Variants in LRP1B observed in about 807,000 individuals in gnomAD.
The protein encoded by LRP1B is LDL receptor related protein 1B.
A neutral mutation model predicts 556.6 loss-of-function variants in LRP1B; 217 were observed. The observed-to-expected ratio is 0.39, with a 90% CI of 0.35 to 0.44. The LOEUF (loss-of-function observed/expected upper bound fraction) is 0.44, where lower values mean the gene tolerates loss of function less well. LRP1B is among the 20% of genes least tolerant of loss of function. LRP1B has a pLI of 1.00. For synonymous variants in LRP1B, 2,047 were observed against 1,865.8 expected (o/e 1.10, Z -2.50); for missense variants, 5,053 against 5,620.8 (o/e 0.90, Z 3.23).
chr2:141,308,653 A>G (rs1686691220), intron 3 of LRP1B, among the ~76,000 whole-genome samples: 1 of 152,168 alleles, frequency 6.6e-6, no homozygotes, highest in Non-Finnish European at 1.5e-5. Flanking sequence ...TTGATATTAT[A>G]TTAATAAAAA....
At chr2:141,868,775 A>G (rs566444148) in intron 1 of LRP1B, among the ~76,000 whole-genome samples, 118 of 152,140 alleles carry the variant, frequency 7.8e-4, no homozygotes, top group Non-Finnish European at 1.4e-3. Flanking sequence ...CTAAATGCCT[A>G]TAGTAAATTG....
intron 2 of LRP1B, among the ~76,000 whole-genome samples, chr2:141,706,238 C>T (rs1017031317): frequency 1.1e-4 from 16 of 152,072 alleles, no homozygotes; most frequent in African/African-American, 3.9e-4. Flanking sequence ...AATTAGGACA[C>T]TTTCAAGTGT....
chr2:142,045,480 T>G (rs1293748578), intron 1 of LRP1B, among the ~76,000 whole-genome samples: 3 of 151,862 alleles, frequency 2.0e-5, no homozygotes, highest in East Asian at 3.9e-4. Flanking sequence ...AGTCAGAGTA[T>G]CTCTTTCACT....
At chr2:142,066,940 G>A (rs1005882541) in intron 1 of LRP1B, among the ~76,000 whole-genome samples, 3 of 151,454 alleles carry the variant, frequency 2.0e-5, no homozygotes, top group Non-Finnish European at 4.4e-5. Flanking sequence ...CAAGCTGTCT[G>A]CAGGGTTATG....
At position 140,989,683 on chromosome 2, in the gene LRP1B, A is replaced by G. The variant is rs182495436; in HGVS notation, c.2645-26T>C. The G allele has an allele frequency of 1.3e-5, 21 of 1,607,716 alleles. No homozygotes were observed. The East Asian group carries it at 4.0e-4, about 31-fold the overall frequency. On this transcript the variant is annotated intron_variant, in intron 16 of 90. Coordinates refer to ENST00000389484, the MANE Select transcript of LRP1B (RefSeq NM_018557.3). ...CTGGGAGGGAGGGGGAAGCAAGATT[A>G]ATTATTTAAAATTGGATAAAGTTGT...
intron 2 of LRP1B, among the ~76,000 whole-genome samples, chr2:141,782,940 G>A (rs2105643255): frequency 6.6e-6 from 1 of 152,138 alleles, no homozygotes; most frequent in African/African-American, 2.4e-5. Context: ...TGAAAACTAG[G>A]TAAGAGTAAA....
At chr2:141,143,848 T>TC (rs1470718044) in intron 7 of LRP1B, among the ~76,000 whole-genome samples, 1 of 148,238 alleles carries the variant, frequency 6.7e-6, no homozygotes, top group South Asian at 2.1e-4. Flanking sequence ...TTTTTTTTTT[T>TC]CCAGGGGATC....
At chr2:140,831,969 T>C (rs1691732661) in intron 31 of LRP1B, among the ~76,000 whole-genome samples, 1 of 152,176 alleles carries the variant, frequency 6.6e-6, no homozygotes, top group African/African-American at 2.4e-5. Flanking sequence ...TACAATGGGA[T>C]ATCACCTCAC....
chr2:141,351,310 A>G (rs1413200850), intron 3 of LRP1B, among the ~76,000 whole-genome samples: 1 of 152,060 alleles, frequency 6.6e-6, no homozygotes, highest in Non-Finnish European at 1.5e-5. Context: ...GATTTCTTCC[A>G]ACCCTAGAAT....
intron 1 of LRP1B, among the ~76,000 whole-genome samples, chr2:142,063,836 G>A (rs1397296358): frequency 2.0e-5 from 3 of 151,470 alleles, no homozygotes; most frequent in Non-Finnish European, 4.4e-5. Flanking sequence ...AAAGACATTT[G>A]GAATAAAACA....
At chr2:141,097,311 A>G (rs1331508256) in intron 7 of LRP1B, among the ~76,000 whole-genome samples, 1 of 152,188 alleles carries the variant, frequency 6.6e-6, no homozygotes, top group African/African-American at 2.4e-5. Flanking sequence ...TGACAAAATA[A>G]TAATTTTCAA....
intron 2 of LRP1B, among the ~76,000 whole-genome samples, chr2:141,751,967 C>A (rs1694131614): frequency 6.6e-6 from 1 of 150,492 alleles, no homozygotes; most frequent in Admixed American, 6.7e-5. Flanking sequence ...TTTCAAACAC[C>A]ACAATAAACA....
intron 2 of LRP1B, among the ~76,000 whole-genome samples, chr2:141,667,068 G>C (rs1690469470): frequency 1.3e-5 from 2 of 152,066 alleles, no homozygotes; most frequent in Admixed American, 1.3e-4. Flanking sequence ...CTGAGGGAAA[G>C]AGCCGGCTTC....
At chr2:141,170,340 G>A (rs1482125791) in intron 7 of LRP1B, among the ~76,000 whole-genome samples, 8 of 151,974 alleles carry the variant, frequency 5.3e-5, no homozygotes, top group Non-Finnish European at 7.4e-5. Context: ...GGTCTCACAC[G>A]GAACTTTAGC....
At chr2:140,763,128 T>C (rs1688986564) in intron 35 of LRP1B, among the ~76,000 whole-genome samples, 1 of 152,108 alleles carries the variant, frequency 6.6e-6, no homozygotes, top group Non-Finnish European at 1.5e-5. Context: ...TCTTTAGGGG[T>C]GTTTTAGCTG....
chr2:140,825,458 C>G (rs1691470327), intron 31 of LRP1B, among the ~76,000 whole-genome samples: 1 of 151,960 alleles, frequency 6.6e-6, no homozygotes, highest in Non-Finnish European at 1.5e-5. Context: ...TTCAAGACTC[C>G]CACATGCATA....
intron 43 of LRP1B, among the ~76,000 whole-genome samples, chr2:140,585,420 A>T (rs1681945892): frequency 6.6e-6 from 1 of 152,132 alleles, no homozygotes; most frequent in African/African-American, 2.4e-5. Context: ...TGCTTCCTGA[A>T]AAGCAGTATG....
chr2:141,005,546 A>G lies in LRP1B; in HGVS notation c.2381-89T>C, dbSNP rs1573972703. On this transcript the variant is annotated intron_variant, in intron 14 of 90. Coordinates refer to ENST00000389484, the MANE Select transcript of LRP1B (RefSeq NM_018557.3). ...CATAGATGTAATTACATACACTTATATATGCTATGTATATTATATATTTAG... is the reference window on the plus strand; with the variant it reads ...CATAGATGTAATTACATACACTTATGTATGCTATGTATATTATATATTTAG... The G allele has an allele frequency of 6.1e-6, 7 of 1,144,532 alleles. No homozygotes were observed. The East Asian group carries it at 9.9e-5, about 16-fold the overall frequency. 70.9% of individuals were successfully genotyped at this position (1,144,532 alleles called of 1,614,324 possible). A position where few individuals can be genotyped will look rare whatever the true frequency, so the allele number is the denominator to read the frequency against.
chr2:140,606,567 G>GA (rs1682875180), intron 41 of LRP1B, among the ~76,000 whole-genome samples: 1 of 151,702 alleles, frequency 6.6e-6, no homozygotes, highest in Non-Finnish European at 1.5e-5. Flanking sequence ...AATCTTAAAT[G>GA]AAAAAAACAA....
Sources: gnomAD v4.1 joint callset for allele counts (sites outside exome capture counted in the v4.1 genomes callset) on GRCh38, gnomAD v4.1.1 for gene constraint, MANE v1.5 for transcripts, NCBI Gene and HGNC (gene_info 2026-07-23, HGNC 2026-07-21) for gene names.